The following COG4 variants were observed in gnomAD, a reference collection of about 807,000 sequenced individuals.
COG4 encodes component of oligomeric golgi complex 4.
Under a neutral mutation model 95.1 loss-of-function variants are expected in COG4, and 65 were observed. The ratio of observed to expected loss-of-function variants is 0.68; its 90% CI spans 0.56 to 0.84. The LOEUF is 0.84. Ranked by LOEUF, COG4 falls within the 40% of genes least tolerant of loss-of-function variation. The pLI, the probability that COG4 is intolerant of heterozygous loss-of-function variation, is 0.00. For synonymous variants in COG4, 421 were observed against 374.8 expected, an observed-to-expected ratio of 1.12 and a Z score of -1.42; for missense variants, 1,045 against 989.1, an observed-to-expected ratio of 1.06 and a Z score of -0.76.
intron 9 of COG4, among the ~76,000 whole-genome samples, chr16:70,500,113 T>G (rs574440836): frequency 6.6e-6 from 1 of 152,056 alleles, no homozygotes; most frequent in African/African-American, 2.4e-5. Flanking sequence ...GGATTATGCG[T>G]GAGCCACCAT....
At chr16:70,481,228 G>C (rs759851187) in intron 18 of COG4, 84 bp from the exon 19 acceptor site, 52 of 1,609,298 alleles carry the variant, frequency 3.2e-5, no homozygotes, top group Admixed American at 6.7e-5. Context: ...GCAGAGCAGG[G>C]GCACCCGGGA....
intron 15 of COG4, 136 bp downstream of exon 15, chr16:70,482,593 C>T: frequency 1.3e-6 from 1 of 743,684 alleles, no homozygotes; most frequent in South Asian, 1.5e-5. Context: ...GGAACCTAGT[C>T]TTCATGGGTC....
intron 13 of COG4, among the ~76,000 whole-genome samples, chr16:70,489,857 G>A (rs1199531407): frequency 6.6e-6 from 1 of 152,000 alleles, no homozygotes; most frequent in Non-Finnish European, 1.5e-5. Context: ...CTGCTCTGTC[G>A]CCCAGGCTGG....
chr16:70,523,521 AGGTCCGCCATCTT>A lies in COG4; in HGVS notation c.10_22del (p.Lys4LeufsTer33). 6.2e-7 allele frequency: 1 copy of A among 1,614,010 alleles called. No individual in the cohort carries two copies. The highest frequency in any genetic ancestry group is 8.5e-7 in the Non-Finnish European group (1 of 1,180,024). On this transcript the variant is annotated frameshift_variant, in exon 1 of 19. Transcript: ENST00000323786. LOFTEE classifies it high-confidence loss of function. ...CCCTGACAGCTTCGGAGGCGAATCA[AGGTCCGCCATCTT>A]GGTCCCCATTCGGCACTTCCGGTCC...
At chr16:70,482,965 TCTTC>T (rs1328625893) in intron 14 of COG4, 144 bp from the exon 15 acceptor site, 6 of 552,414 alleles carry the variant, frequency 1.1e-5, no homozygotes, top group Non-Finnish European at 1.9e-5. Flanking sequence ...TCTCCCCATT[TCTTC>T]CTTCTCTCCT....
At position 70,514,357 on chromosome 16, in the gene COG4, C is replaced by T. The variant is rs755087358; in HGVS notation, c.522G>A (p.Glu174=). The T allele has an allele frequency of 6.2e-6, 10 of 1,614,230 alleles. No individual in the cohort carries two copies. Among genetic ancestry groups the T allele is most frequent in the Non-Finnish European group, 8.5e-6 (10 of 1,180,040 alleles). ...RYLCLDKSVI[E]LSRQGKEGSM... is the part of the protein sequence containing the mutation. ...GACCCTCTTTGCCCTGTCGGCTGAG[C>T]TCAATGACCGACTTGTCCAGGCACA... The change falls in exon 4 of 19, where the codon GAG becomes GAA. Residue 174 remains glutamate, a synonymous_variant. Coordinates refer to ENST00000323786, the MANE Select transcript of COG4 (RefSeq NM_015386.3).
chr16:70,518,789 C>T (rs1315709831), intron 2 of COG4, among the ~76,000 whole-genome samples: 3 of 151,890 alleles, frequency 2.0e-5, no homozygotes, highest in Admixed American at 6.6e-5. Context: ...CCAGCCTGGC[C>T]AACATGGTGA....
chr16:70,511,687 C>T (rs1271632042), intron 5 of COG4, among the ~76,000 whole-genome samples: 1 of 151,784 alleles, frequency 6.6e-6, no homozygotes, highest in Non-Finnish European at 1.5e-5. Context: ...AATCCCATCA[C>T]TTTGGGAGGC....
chr16:70,483,743 G>GCTCCCTCACCCGTCCTC, intron 14 of COG4, 110 bp downstream of exon 14: 1 of 863,612 alleles, frequency 1.2e-6, no homozygotes, highest in Non-Finnish European at 2.0e-6. Context: ...CTTGCGTGCT[G>GCTCCCTCACCCGTCCTC]CTCCCTCACC....
In COG4 at chr16:70,509,948, A is replaced by G. The variant is rs765714869; in HGVS notation, c.812T>C (p.Ile271Thr). Residue 271 changes from isoleucine (I) to threonine (T), a missense_variant, in exon 6 of 19, where the codon ATC (isoleucine) becomes ACC (threonine). Coordinates refer to ENST00000323786, the MANE Select transcript of COG4 (RefSeq NM_015386.3). ...TDMSDRRAAV[I>T]FADTLTLLFE... ...CAGAAGAGTAAGTGTATCTGCAAAG[A>G]TGACTGCAGCTCTCCGATCACTCAT... 3 of 1,613,864 alleles carry G rather than the reference A, an allele frequency of 1.9e-6. No individual in the cohort carries two copies. Among genetic ancestry groups the G allele is most frequent in the Non-Finnish European group, 2.5e-6 (3 of 1,179,912 alleles).
Position 70,523,402 on chromosome 16 carries a change from CCTCCAG to C in COG4, c.136_141del (p.Leu46_Glu47del). 1 of 1,614,178 alleles carries C rather than the reference CCTCCAG, an allele frequency of 6.2e-7. No homozygotes were observed. The highest frequency in any genetic ancestry group is 8.5e-7 in the Non-Finnish European group (1 of 1,180,038). ...TCGCCGCAGAGCCGTTCGTATACAG[CCTCCAG>C]CTCCTGCAGCTCTGTCAGGGAGCGA... is the stretch of plus-strand genomic sequence containing the variant. On this transcript the variant is annotated inframe_deletion, in exon 1 of 19. Coordinates refer to ENST00000323786, the MANE Select transcript of COG4 (RefSeq NM_015386.3).
intron 13 of COG4, 64 bp downstream of exon 13, chr16:70,490,266 T>C: frequency 7.7e-7 from 1 of 1,295,442 alleles, no homozygotes. Flanking sequence ...GATGTTTGTA[T>C]AGGGCTCTAT....
At chr16:70,508,668 C>G (rs1395920553) in intron 7 of COG4, 1 of 675,418 alleles carries the variant, frequency 1.5e-6, no homozygotes, top group Non-Finnish European at 2.7e-6. Flanking sequence ...ATACTCACCT[C>G]TATTACTGTG....
At chr16:70,495,897 CG>C (rs757043502) in intron 12 of COG4, among the ~76,000 whole-genome samples, 56 of 152,328 alleles carry the variant, frequency 3.7e-4, no homozygotes, top group Non-Finnish European at 3.2e-4. Flanking sequence ...GCCCATGCTG[CG>C]GGCCTCTCCT....
At chr16:70,519,841 C>T in intron 1 of COG4, 110 bp from the exon 2 acceptor site, 1 of 803,626 alleles carries the variant, frequency 1.2e-6, no homozygotes, top group South Asian at 1.4e-5. Flanking sequence ...GTCCTTTTTT[C>T]CTTCCACTAT....
At chr16:70,514,612 A>C (rs1397182559) in intron 3 of COG4, 103 bp from the exon 4 acceptor site, 4 of 927,104 alleles carry the variant, frequency 4.3e-6, no homozygotes, top group Non-Finnish European at 6.9e-6. Flanking sequence ...ACCATATGTC[A>C]ATAGCAATCT....
intron 13 of COG4, among the ~76,000 whole-genome samples, chr16:70,487,415 G>A (rs1211662519): frequency 6.6e-6 from 1 of 151,968 alleles, no homozygotes; most frequent in Non-Finnish European, 1.5e-5. Context: ...TGGCCAACAT[G>A]GCAAAACCCC....
chr16:70,481,860 G>A lies in COG4; in HGVS notation c.2010C>T (p.Ser670=). 2.5e-6 allele frequency: 4 copies of A among 1,613,216 alleles called. No individual in the cohort carries two copies. Among genetic ancestry groups the A allele is most frequent in the Non-Finnish European group, 3.4e-6 (4 of 1,179,622 alleles). ...GGCTGTCGTAGATGACCGGGGACAG[G>A]CTGGCCTGCACACAGAGGGTTGACA... ...LEQQMAEFKA[S]LSPVIYDSLT... is the part of the protein sequence containing the mutation. The change falls in exon 17 of 19, where the codon AGC becomes AGT. Residue 670 remains serine, a synonymous_variant. Transcript: ENST00000323786.
Position 70,480,768 on chromosome 16 carries a change from T to G in COG4, c.*242A>C, listed in dbSNP as rs562432677. Reference sequence around the variant, plus strand: ...GGGCTGCTCGCTGCCTGCCGTGGCTTTCCCACCTCATTAGGAGCCCGCTTC... The same window carrying G: ...GGGCTGCTCGCTGCCTGCCGTGGCTGTCCCACCTCATTAGGAGCCCGCTTC... On this transcript the variant is annotated 3_prime_UTR_variant, in exon 19 of 19. Coordinates refer to ENST00000323786, the MANE Select transcript of COG4 (RefSeq NM_015386.3). 1.8e-6 allele frequency: 1 copy of G among 553,636 alleles called. No individual in the cohort carries two copies. Among genetic ancestry groups the G allele is most frequent in the South Asian group, 2.0e-5 (1 of 49,460 alleles). The allele number at this position is 553,636 out of a possible 1,614,324, so 34.3% of individuals were successfully genotyped here.
Sources: gnomAD v4.1 joint callset for allele counts (sites outside exome capture counted in the v4.1 genomes callset) on GRCh38, gnomAD v4.1.1 for gene constraint, MANE v1.5 for transcripts, NCBI Gene and HGNC (gene_info 2026-07-23, HGNC 2026-07-21) for gene names.